The following AASDH variants were observed in gnomAD, a reference collection of about 807,000 sequenced individuals.
The protein encoded by AASDH is beta-alanine-activating enzyme.
In AASDH, 81 loss-of-function variants were observed where a neutral mutation model predicts 102.3. That is an observed-to-expected ratio of 0.79 (90% CI 0.66 to 0.95). The LOEUF (loss-of-function observed/expected upper bound fraction) is 0.95, where lower values mean the gene tolerates loss of function less well. AASDH is among the 40% of genes least tolerant of loss of function. AASDH has a pLI of 0.00. For missense variants in AASDH, 1,203 were observed against 1,266.2 expected (o/e 0.95, Z 0.76); for synonymous variants, 398 against 454.0 (o/e 0.88, Z 1.57).
At chr4:56,364,545 G>A (rs887979713) in intron 5 of AASDH, among the ~76,000 whole-genome samples, 2 of 152,236 alleles carry the variant, frequency 1.3e-5, no homozygotes, top group Non-Finnish European at 2.9e-5. Context: ...CAAGCCAGAA[G>A]AGAGTGGGAG....
At chr4:56,354,923 T>A in intron 6 of AASDH, 112 bp from the exon 7 acceptor site, 1 of 903,860 alleles carries the variant, frequency 1.1e-6, no homozygotes, top group Non-Finnish European at 1.6e-6. Context: ...TGTTACGCTC[T>A]AATTCAAAGA....
intron 11 of AASDH, among the ~76,000 whole-genome samples, chr4:56,345,550 C>T (rs1166993486): frequency 2.0e-5 from 3 of 152,266 alleles, no homozygotes; most frequent in African/African-American, 7.2e-5. Context: ...AGAAGCGCTT[C>T]ACTACTGAAA....
At chr4:56,376,615 ATATGGCTAGT>A (rs1346562668) in intron 4 of AASDH, among the ~76,000 whole-genome samples, 20 of 152,214 alleles carry the variant, frequency 1.3e-4, no homozygotes, top group African/African-American at 4.8e-4. Context: ...AGCACTAAGA[ATATGGCTAGT>A]CCACGTTGAG....
chr4:56,348,572 T>C (rs1446177267), intron 11 of AASDH, among the ~76,000 whole-genome samples: 2 of 152,126 alleles, frequency 1.3e-5, no homozygotes, highest in Admixed American at 6.5e-5. Context: ...GCCCTTCTAA[T>C]TAACAGAAGA....
At chr4:56,343,106 G>A in intron 13 of AASDH, 140 bp from the exon 14 acceptor site, 1 of 738,690 alleles carries the variant, frequency 1.4e-6, no homozygotes, top group Non-Finnish European at 1.9e-6. Flanking sequence ...CATAAATGAA[G>A]CTGGTATACA....
At chr4:56,355,466 C>G in intron 5 of AASDH, 43 bp from the exon 6 acceptor site, 1 of 1,558,464 alleles carries the variant, frequency 6.4e-7, no homozygotes. Context: ...TCCTTCACTT[C>G]TTTAAAAAGG....
chr4:56,384,110 A>G lies in AASDH; in HGVS notation c.190T>C (p.Tyr64His). 1 of 1,614,202 alleles carries G rather than the reference A, an allele frequency of 6.2e-7. No homozygotes were observed. Among genetic ancestry groups the G allele is most frequent in the Non-Finnish European group, 8.5e-7 (1 of 1,180,020 alleles). ...GGTAAGTCTATCCCAGGTTGGCAGT[A>G]GAGACCAATTTCCCGAATTCCTTGA... The part of the protein sequence containing the change: ...DFQGIREIGL[Y>H]CQPGIDLPSW... Residue 64 changes from tyrosine to histidine, a missense_variant, in exon 2 of 15, where the codon TAC (tyrosine) becomes CAC (histidine). Transcript: ENST00000205214.
chr4:56,386,242 G>A (rs1315964415), intron 1 of AASDH, among the ~76,000 whole-genome samples: 1 of 152,030 alleles, frequency 6.6e-6, no homozygotes, highest in Non-Finnish European at 1.5e-5. Context: ...TAAATATAAG[G>A]GAGGCTTTCT....
Position 56,378,331 on chromosome 4 carries a change from T to C in AASDH, c.485A>G (p.Tyr162Cys), listed in dbSNP as rs756342911. ...TATGCTTTTTATTTTTTCTTTTTCATATTTCTCTTTTCCATCATTTAGCAT... is the reference window on the plus strand; with the variant it reads ...TATGCTTTTTATTTTTTCTTTTTCACATTTCTCTTTTCCATCATTTAGCAT... ...NLMLNDGKEK[Y>C]EKEKIKSISS... The change falls in exon 4 of 15, where the codon TAT becomes TGT. Residue 162 changes from tyrosine to cysteine, a missense_variant. Coordinates refer to ENST00000205214, the MANE Select transcript of AASDH (RefSeq NM_181806.4). The C allele has an allele frequency of 6.2e-7, 1 of 1,614,184 alleles. No individual in the cohort carries two copies. The highest frequency in any genetic ancestry group is 2.2e-5 in the East Asian group (1 of 44,878).
intron 10 of AASDH, 128 bp from the exon 11 acceptor site, chr4:56,350,186 G>A: frequency 3.4e-6 from 3 of 884,668 alleles, no homozygotes; most frequent in Non-Finnish European, 5.0e-6. Context: ...CGGGTACAGT[G>A]GCTCACGCCT....
At chr4:56,342,584 C>T (rs1173064391) in intron 14 of AASDH, among the ~76,000 whole-genome samples, 1 of 152,016 alleles carries the variant, frequency 6.6e-6, no homozygotes, top group Non-Finnish European at 1.5e-5. Flanking sequence ...TTTAAATCTA[C>T]TATGTCTTCT....
rs1748194957 is a variant in AASDH, at chr4:56,345,236, C to G, written c.2543G>C (p.Trp848Ser). The G allele has an allele frequency of 6.2e-7, 1 of 1,613,702 alleles. No individual in the cohort carries two copies. The highest frequency in any genetic ancestry group is 8.5e-7 in the Non-Finnish European group (1 of 1,179,748). The change falls in exon 12 of 15, where the codon TGG becomes TCG. Residue 848 changes from tryptophan (W) to serine (S), a missense_variant. Coordinates refer to ENST00000205214, the MANE Select transcript of AASDH (RefSeq NM_181806.4). ...VLKSNSGEKY[W>S]MFTTEDAVKS... ...GACAGCATCTTCAGTAGTAAACATC[C>G]AGTATTTTTCTCCACTATTACTTTT...
chr4:56,368,183 T>G (rs1291457004), intron 5 of AASDH, among the ~76,000 whole-genome samples: 1 of 152,112 alleles, frequency 6.6e-6, no homozygotes, highest in Non-Finnish European at 1.5e-5. Context: ...CATCTCTCAC[T>G]AGTTAGAATG....
At chr4:56,380,833 GCCAGTAGCAC>G (rs1177768989) in intron 3 of AASDH, among the ~76,000 whole-genome samples, 2 of 152,118 alleles carry the variant, frequency 1.3e-5, no homozygotes, top group Non-Finnish European at 2.9e-5. Flanking sequence ...CCCACCAGAT[GCCAGTAGCAC>G]CCCACTTCCA....
chr4:56,363,195 G>A (rs187669388), intron 5 of AASDH, among the ~76,000 whole-genome samples: 146 of 152,322 alleles, frequency 9.6e-4, no homozygotes, highest in Admixed American at 7.2e-4. Flanking sequence ...CACCATCGCC[G>A]AGGCTTGAGT....
chr4:56,372,321 A>T (rs1751821902), intron 4 of AASDH, among the ~76,000 whole-genome samples: 1 of 152,114 alleles, frequency 6.6e-6, no homozygotes, highest in African/African-American at 2.4e-5. Flanking sequence ...AGGCCCCACA[A>T]TTGTGTAAAC....
At chr4:56,362,425 T>G (rs572523350) in intron 5 of AASDH, among the ~76,000 whole-genome samples, 6 of 152,040 alleles carry the variant, frequency 3.9e-5, no homozygotes, top group Non-Finnish European at 7.4e-5. Flanking sequence ...CCACCATGCC[T>G]GGCTAATTTT....
chr4:56,367,079 AG>A (rs1264522153), intron 5 of AASDH, among the ~76,000 whole-genome samples: 1 of 152,144 alleles, frequency 6.6e-6, no homozygotes, highest in Non-Finnish European at 1.5e-5. Flanking sequence ...CACCAATAAC[AG>A]ACAAACAGCC....
intron 4 of AASDH, among the ~76,000 whole-genome samples, chr4:56,373,028 C>T (rs890704285): frequency 1.3e-5 from 2 of 152,170 alleles, no homozygotes; most frequent in Non-Finnish European, 2.9e-5. Flanking sequence ...TAGGGCAGGA[C>T]CCTTTCTGGA....
Sources: allele counts gnomAD v4.1 joint callset (sites outside exome capture counted in the v4.1 genomes callset), GRCh38; gene constraint gnomAD v4.1.1; transcripts MANE v1.5; gene names NCBI Gene and HGNC (gene_info 2026-07-23, HGNC 2026-07-21).